Variants in ELAVL4 observed in about 807,000 individuals in gnomAD.
ELAVL4 encodes ELAV-like protein 4.
Under a neutral mutation model 35.6 loss-of-function variants are expected in ELAVL4, and 1 was observed. The ratio of observed to expected loss-of-function variants is 0.03; its 90% CI spans 0.01 to 0.13. ELAVL4 has a LOEUF of 0.13. Among genes scored for constraint, ELAVL4 ranks in the 10% least tolerant of loss-of-function variants. ELAVL4 has a pLI of 1.00. For missense variants in ELAVL4, 267 were observed against 464.9 expected, an observed-to-expected ratio of 0.57 and a Z score of 3.91; for synonymous variants, 156 against 171.0, an observed-to-expected ratio of 0.91 and a Z score of 0.69.
intron 2 of ELAVL4, among the ~76,000 whole-genome samples, chr1:50,159,061 A>T: frequency 6.6e-6 from 1 of 151,766 alleles, no homozygotes; most frequent in African/African-American, 2.4e-5. Flanking sequence ...AAAAAAAGAA[A>T]GAAATACTCT....
At chr1:50,189,724 T>C (rs1385506768) in intron 3 of ELAVL4, among the ~76,000 whole-genome samples, 1 of 152,232 alleles carries the variant, frequency 6.6e-6, no homozygotes, top group South Asian at 2.1e-4. Context: ...TAATAATATG[T>C]GTAAGTATCT....
At chr1:50,145,323 C>T in intron 2 of ELAVL4, 126 bp downstream of exon 2, 2 of 1,383,964 alleles carry the variant, frequency 1.4e-6, no homozygotes, top group Non-Finnish European at 9.9e-7. Flanking sequence ...CATGGATACA[C>T]AGTCATAAAC....
chr1:50,164,507 T>C (rs1312369294), intron 2 of ELAVL4, among the ~76,000 whole-genome samples: 2 of 152,216 alleles, frequency 1.3e-5, no homozygotes, highest in African/African-American at 4.8e-5. Context: ...TTTGAAAATA[T>C]TAGAAGGGAC....
chr1:50,059,416 T>C (rs891659991), intron 1 of ELAVL4, among the ~76,000 whole-genome samples: 1 of 152,122 alleles, frequency 6.6e-6, no homozygotes, highest in Non-Finnish European at 1.5e-5. Flanking sequence ...GATCCCTGAT[T>C]GTTATTTAAA....
chr1:50,110,391 A>T (rs1000314591), intron 1 of ELAVL4, among the ~76,000 whole-genome samples: 1 of 152,158 alleles, frequency 6.6e-6, no homozygotes, highest in African/African-American at 2.4e-5. Flanking sequence ...TGAGGGGTGG[A>T]GGAGGTGAGA....
intron 1 of ELAVL4, among the ~76,000 whole-genome samples, chr1:50,064,749 C>G (rs1664177818): frequency 6.6e-6 from 1 of 152,206 alleles, no homozygotes; most frequent in Admixed American, 6.5e-5. Flanking sequence ...ATCTAACATA[C>G]TTTTCTCTCA....
Position 50,195,542 on chromosome 1 carries a change from GCT to G in ELAVL4, c.509-16_509-15del. The G allele has an allele frequency of 6.2e-7, 1 of 1,612,870 alleles. No individual in the cohort carries two copies. The highest frequency in any genetic ancestry group is 8.5e-7 in the Non-Finnish European group (1 of 1,178,952). On this transcript the variant is annotated splice_polypyrimidine_tract_variant and intron_variant, in intron 4 of 6. Coordinates refer to ENST00000371824, the MANE Select transcript of ELAVL4 (RefSeq NM_001144774.3). ...TTTGGTGTGTTCACTCTTTACAAAG[GCT>G]CTTTCTCTTTCCCCAGGAGTGTCCA...
chr1:50,052,877 CA>C (rs1237177640), intron 1 of ELAVL4, among the ~76,000 whole-genome samples: 1 of 152,162 alleles, frequency 6.6e-6, no homozygotes, highest in African/African-American at 2.4e-5. Flanking sequence ...AAATGACTCC[CA>C]AAAACCCTAT....
chr1:50,169,017 G>C (rs1678502377), intron 2 of ELAVL4, among the ~76,000 whole-genome samples: 1 of 150,728 alleles, frequency 6.6e-6, no homozygotes, highest in Admixed American at 6.6e-5. Flanking sequence ...AGTTTATTAA[G>C]TGTTAACTTA....
chr1:50,114,598 T>C (rs1398643880), intron 1 of ELAVL4, among the ~76,000 whole-genome samples: 3 of 152,088 alleles, frequency 2.0e-5, no homozygotes, highest in African/African-American at 7.2e-5. Flanking sequence ...GGTCTGCATC[T>C]TTCCGGTATA....
chr1:50,079,343 G>A (rs1664908462), intron 1 of ELAVL4, among the ~76,000 whole-genome samples: 1 of 152,168 alleles, frequency 6.6e-6, no homozygotes, highest in Non-Finnish European at 1.5e-5. Context: ...ATCATCACAG[G>A]GGAAGAGAAG....
intron 3 of ELAVL4, among the ~76,000 whole-genome samples, chr1:50,183,228 A>G (rs1681325074): frequency 6.6e-6 from 1 of 152,130 alleles, no homozygotes; most frequent in South Asian, 2.1e-4. Flanking sequence ...TCTAATAATT[A>G]TATTAAGCTA....
intron 2 of ELAVL4, among the ~76,000 whole-genome samples, chr1:50,159,635 CT>C (rs1676420059): frequency 6.6e-6 from 1 of 151,762 alleles, no homozygotes; most frequent in African/African-American, 2.4e-5. Context: ...ATGGGGGGCT[CT>C]TTTTATCAGT....
chr1:50,172,179 AG>A lies in ELAVL4; in HGVS notation c.251-4908del, dbSNP rs371810346. 6.0e-3 allele frequency among the ~76,000 whole-genome samples: 917 copies of A among 152,324 alleles called. 11 individuals carry two copies. Among genetic ancestry groups the A allele is most frequent in the African/African-American group, 0.021 (886 of 41,556 alleles). Reference sequence around the variant, plus strand: ...TTCTCTACTGCAGCCATCAACCATAAGGATGTCAGGATCAGAATAATCTCCA... The same window carrying A: ...TTCTCTACTGCAGCCATCAACCATAAGATGTCAGGATCAGAATAATCTCCA... On this transcript the variant is annotated intron_variant, in intron 2 of 6. Coordinates refer to ENST00000371824, the MANE Select transcript of ELAVL4 (RefSeq NM_001144774.3).
At chr1:50,181,613 C>T (rs1302588685) in intron 3 of ELAVL4, among the ~76,000 whole-genome samples, 1 of 152,136 alleles carries the variant, frequency 6.6e-6, no homozygotes, top group Non-Finnish European at 1.5e-5. Context: ...GATGACTTGC[C>T]TCATGTAGGA....
intron 1 of ELAVL4, among the ~76,000 whole-genome samples, chr1:50,131,633 C>CA (rs1314616251): frequency 4.0e-5 from 6 of 151,750 alleles, no homozygotes; most frequent in Admixed American, 1.3e-4. Flanking sequence ...ACTAAAAATA[C>CA]AAAAAAATTA....
At chr1:50,109,335 T>C in intron 1 of ELAVL4, 137 bp downstream of exon 1, 2 of 896,934 alleles carry the variant, frequency 2.2e-6, no homozygotes, top group Non-Finnish European at 1.7e-6. Flanking sequence ...CTATCTCTTT[T>C]GTGTAGAGAG....
chr1:50,140,557 C>T (rs1009256682), intron 1 of ELAVL4, among the ~76,000 whole-genome samples: 9 of 152,120 alleles, frequency 5.9e-5, no homozygotes, highest in Non-Finnish European at 1.2e-4. Flanking sequence ...CCTCTTGTTT[C>T]ATTCACATGT....
intron 2 of ELAVL4, among the ~76,000 whole-genome samples, chr1:50,156,944 T>G (rs1299092282): frequency 6.6e-6 from 1 of 152,166 alleles, no homozygotes; most frequent in Non-Finnish European, 1.5e-5. Flanking sequence ...ATGAAAGCCT[T>G]TAGTTCAATA....
Sources: allele counts gnomAD v4.1 joint callset (sites outside exome capture counted in the v4.1 genomes callset), GRCh38; gene constraint gnomAD v4.1.1; transcripts MANE v1.5; gene names NCBI Gene and HGNC (gene_info 2026-07-23, HGNC 2026-07-21).